IPO11: variants seen among roughly 807,000 people sequenced by gnomAD.
The protein encoded by IPO11 is importin 11.
A neutral mutation model predicts 143.2 loss-of-function variants in IPO11; 66 were observed. The observed-to-expected ratio is 0.46, with a 90% CI of 0.38 to 0.57. The LOEUF (loss-of-function observed/expected upper bound fraction) is 0.57, where lower values mean the gene tolerates loss of function less well. Among genes scored for constraint, IPO11 ranks in the 20% least tolerant of loss-of-function variants. The pLI is 0.00. For synonymous variants in IPO11, 385 were observed against 377.8 expected (o/e 1.02, Z -0.22); for missense variants, 1,026 against 1,141.0 (o/e 0.90, Z 1.45).
chr5:62,425,313 A>ATTTAT lies in IPO11; in HGVS notation c.-6-11947_-6-11943dup, dbSNP rs1295166656. Among the ~76,000 whole-genome samples, 4 of 152,204 alleles carry ATTTAT rather than the reference A, an allele frequency of 2.6e-5. No individual in the cohort carries two copies. The East Asian group carries it at 5.8e-4, about 22-fold the overall frequency. Reference sequence around the variant, plus strand: ...ATCAGGTGGCACTGCAGACTATTCAATTTATTTTATTTTATTTTTTCAAGA... The same window carrying ATTTAT: ...ATCAGGTGGCACTGCAGACTATTCAATTTATTTTATTTTATTTTATTTTTTCAAGA... On this transcript the variant is annotated intron_variant, in intron 1 of 29. Transcript: ENST00000325324.
At chr5:62,480,827 A>G (rs1171230268) in intron 9 of IPO11, among the ~76,000 whole-genome samples, 2 of 149,078 alleles carry the variant, frequency 1.3e-5, no homozygotes, top group East Asian at 2.0e-4. Flanking sequence ...GCTTAAGGAG[A>G]TTTTGGGCTG....
intron 7 of IPO11, among the ~76,000 whole-genome samples, chr5:62,471,951 A>G (rs910131848): frequency 6.6e-6 from 1 of 152,226 alleles, no homozygotes; most frequent in African/African-American, 2.4e-5. Context: ...GCCCCTCCAC[A>G]GTATTGATAC....
intron 27 of IPO11, among the ~76,000 whole-genome samples, chr5:62,571,735 G>A (rs542796561): frequency 7.9e-5 from 12 of 150,990 alleles, no homozygotes; most frequent in African/African-American, 2.9e-4. Flanking sequence ...GCCCAGGCTG[G>A]AGTACAGTGG....
At chr5:62,522,923 C>G (rs139515716) in intron 20 of IPO11, among the ~76,000 whole-genome samples, 73 of 152,346 alleles carry the variant, frequency 4.8e-4, no homozygotes, top group African/African-American at 1.7e-3. Context: ...ATTAATACTT[C>G]CTTTTCACTG....
At chr5:62,593,912 C>T (rs780625379) in intron 28 of IPO11, among the ~76,000 whole-genome samples, 12 of 152,182 alleles carry the variant, frequency 7.9e-5, no homozygotes, top group Non-Finnish European at 1.5e-4. Flanking sequence ...CTATAAGTTA[C>T]AGTCCATGAG....
intron 21 of IPO11, among the ~76,000 whole-genome samples, chr5:62,530,387 A>T (rs905654603): frequency 7.9e-5 from 12 of 152,136 alleles, no homozygotes; most frequent in African/African-American, 2.9e-4. Flanking sequence ...CATCCTGTGA[A>T]TACTGTATTT....
intron 16 of IPO11, among the ~76,000 whole-genome samples, chr5:62,504,317 A>C (rs912807127): frequency 6.6e-6 from 1 of 152,018 alleles, no homozygotes; most frequent in African/African-American, 2.4e-5. Context: ...CACATCCTCC[A>C]ATTTGTCCAA....
intron 29 of IPO11, among the ~76,000 whole-genome samples, chr5:62,623,989 G>C (rs940617747): frequency 6.6e-6 from 1 of 151,414 alleles, no homozygotes; most frequent in Non-Finnish European, 1.5e-5. Context: ...TTTTGGGAAG[G>C]GGTGGTCAAT....
At chr5:62,522,170 A>G (rs1742221555) in intron 20 of IPO11, among the ~76,000 whole-genome samples, 2 of 152,192 alleles carry the variant, frequency 1.3e-5, no homozygotes, top group African/African-American at 4.8e-5. Flanking sequence ...TGAATCCTGA[A>G]GCATCACCCA....
chr5:62,589,428 A>G (rs1744930020), intron 27 of IPO11, among the ~76,000 whole-genome samples: 1 of 152,030 alleles, frequency 6.6e-6, no homozygotes, highest in Non-Finnish European at 1.5e-5. Context: ...GAAGTCACCA[A>G]CCTAGTCAAG....
At chr5:62,571,176 T>C (rs1421706766) in intron 27 of IPO11, among the ~76,000 whole-genome samples, 3 of 152,208 alleles carry the variant, frequency 2.0e-5, no homozygotes, top group Non-Finnish European at 2.9e-5. Flanking sequence ...TTTTATTTCA[T>C]TTTATTTTTT....
chr5:62,562,423 A>T (rs1421185804), intron 27 of IPO11, among the ~76,000 whole-genome samples: 1 of 152,196 alleles, frequency 6.6e-6, no homozygotes, highest in Non-Finnish European at 1.5e-5. Flanking sequence ...TGTTTTCAGG[A>T]TGAAGCTATT....
chr5:62,613,078 A>C (rs999226394), intron 29 of IPO11, among the ~76,000 whole-genome samples: 5 of 152,144 alleles, frequency 3.3e-5, no homozygotes, highest in Non-Finnish European at 7.4e-5. Context: ...TTTGTTGTTT[A>C]ATGTACTTTT....
At chr5:62,505,998 G>T (rs527698717) in intron 18 of IPO11, among the ~76,000 whole-genome samples, 2 of 152,210 alleles carry the variant, frequency 1.3e-5, no homozygotes, top group East Asian at 3.9e-4. Context: ...TATTCAGTTT[G>T]TAGATGAGTT....
chr5:62,515,321 T>G, intron 19 of IPO11, 67 bp from the exon 20 acceptor site: 1 of 1,014,238 alleles, frequency 9.9e-7, no homozygotes, highest in Non-Finnish European at 1.5e-6. Flanking sequence ...GCTCTCATTG[T>G]TTTTCAAAGT....
intron 21 of IPO11, among the ~76,000 whole-genome samples, chr5:62,530,307 C>T (rs1035548887): frequency 1.3e-5 from 2 of 152,134 alleles, no homozygotes; most frequent in Non-Finnish European, 2.9e-5. Flanking sequence ...ACTAAAGTCC[C>T]GCAGTCAGCC....
intron 16 of IPO11, among the ~76,000 whole-genome samples, chr5:62,496,657 C>G (rs1741168864): frequency 6.6e-6 from 1 of 151,980 alleles, no homozygotes; most frequent in African/African-American, 2.4e-5. Flanking sequence ...ACATGCATAC[C>G]TATACACAAT....
At chr5:62,466,023 C>T (rs1398155250) in intron 5 of IPO11, among the ~76,000 whole-genome samples, 3 of 152,204 alleles carry the variant, frequency 2.0e-5, no homozygotes, top group Non-Finnish European at 2.9e-5. Flanking sequence ...AACCTTATAC[C>T]TCTTCAGAAC....
chr5:62,580,585 A>G, intron 27 of IPO11: 1 of 1,551,462 alleles, frequency 6.4e-7, no homozygotes, highest in Non-Finnish European at 8.7e-7. Context: ...TACTCTAAAC[A>G]TCTATTGTCA....
Sources: gnomAD v4.1 joint callset for allele counts (sites outside exome capture counted in the v4.1 genomes callset) on GRCh38, gnomAD v4.1.1 for gene constraint, MANE v1.5 for transcripts, NCBI Gene and HGNC (gene_info 2026-07-23, HGNC 2026-07-21) for gene names.